PTPRD: variants seen among roughly 807,000 people sequenced by gnomAD.
PTPRD encodes protein tyrosine phosphatase receptor type D.
Under a neutral mutation model 214.5 loss-of-function variants are expected in PTPRD, and 34 were observed. The observed-to-expected ratio is 0.16, with a 90% CI of 0.12 to 0.21. The LOEUF (loss-of-function observed/expected upper bound fraction) is 0.21. PTPRD is among the 10% of genes least tolerant of loss of function. PTPRD has a pLI of 1.00. For synonymous variants in PTPRD, 1,128 were observed against 845.7 expected (o/e 1.33, Z -5.79); for missense variants, 2,545 against 2,398.7 (o/e 1.06, Z -1.27).
chr9:9,307,535 G>T (rs990625999), intron 9 of PTPRD, among the ~76,000 whole-genome samples: 1 of 152,062 alleles, frequency 6.6e-6, no homozygotes, highest in Admixed American at 6.6e-5. Context: ...CAGTGGCTGT[G>T]CTGTTATATC....
intron 11 of PTPRD, among the ~76,000 whole-genome samples, chr9:8,902,307 A>G (rs184194094): frequency 2.9e-4 from 44 of 151,404 alleles, no homozygotes; most frequent in African/African-American, 1.0e-3. Flanking sequence ...GATTTATTCA[A>G]CTGGAATTGG....
chr9:9,276,075 C>A (rs768237830), intron 9 of PTPRD, among the ~76,000 whole-genome samples: 1 of 151,290 alleles, frequency 6.6e-6, no homozygotes, highest in Non-Finnish European at 1.5e-5. Flanking sequence ...AGCTAAATGT[C>A]CTTGTCTAAT....
intron 8 of PTPRD, among the ~76,000 whole-genome samples, chr9:9,475,480 G>C (rs2094957798): frequency 6.6e-6 from 1 of 152,150 alleles, no homozygotes; most frequent in Non-Finnish European, 1.5e-5. Context: ...AGCAAAGATA[G>C]ATTTTATCAG....
intron 11 of PTPRD, chr9:8,861,913 C>G (rs2098113669): frequency 6.6e-6 from 1 of 152,174 alleles, no homozygotes; most frequent in Admixed American, 6.5e-5. Context: ...CTGCTAAATA[C>G]ATAAATGAAA....
chr9:10,028,250 G>A (rs908445671), intron 4 of PTPRD, among the ~76,000 whole-genome samples: 1 of 152,200 alleles, frequency 6.6e-6, no homozygotes, highest in African/African-American at 2.4e-5. Context: ...CCCCAGCCAT[G>A]TGGAACTGTA....
intron 10 of PTPRD, among the ~76,000 whole-genome samples, chr9:9,073,635 C>G (rs901046492): frequency 3.9e-5 from 6 of 152,154 alleles, no homozygotes; most frequent in Non-Finnish European, 7.3e-5. Flanking sequence ...TAGTTTCGAG[C>G]CTTCAGATGC....
intron 12 of PTPRD, among the ~76,000 whole-genome samples, chr9:8,707,172 T>A (rs755063241): frequency 1.3e-5 from 2 of 152,164 alleles, no homozygotes; most frequent in Non-Finnish European, 2.9e-5. Flanking sequence ...GTTGCAGCAA[T>A]AAAATATGTG....
At chr9:9,593,559 C>T (rs1387898982) in intron 7 of PTPRD, among the ~76,000 whole-genome samples, 1 of 151,736 alleles carries the variant, frequency 6.6e-6, no homozygotes, top group African/African-American at 2.4e-5. Flanking sequence ...GGGAGTCACC[C>T]CAGATTACTA....
At chr9:8,391,863 A>G (rs1298362107) in intron 36 of PTPRD, among the ~76,000 whole-genome samples, 1 of 152,162 alleles carries the variant, frequency 6.6e-6, no homozygotes, top group Non-Finnish European at 1.5e-5. Flanking sequence ...AAGACAGGGA[A>G]TCAGACCCAT....
At chr9:10,508,396 C>G (rs1251131316) in intron 2 of PTPRD, among the ~76,000 whole-genome samples, 1 of 152,146 alleles carries the variant, frequency 6.6e-6, no homozygotes, top group African/African-American at 2.4e-5. Context: ...GGCGATTCCT[C>G]AGGGATCTAG....
chr9:8,439,294 TTAAAA>T (rs2095463549), intron 34 of PTPRD, among the ~76,000 whole-genome samples: 1 of 152,184 alleles, frequency 6.6e-6, no homozygotes, highest in African/African-American at 2.4e-5. Flanking sequence ...TCTTTAACTG[TTAAAA>T]TAAGAGTATA....
intron 5 of PTPRD, among the ~76,000 whole-genome samples, chr9:9,891,794 T>C (rs143104921): frequency 1.5e-3 from 234 of 152,256 alleles, no homozygotes; most frequent in African/African-American, 5.3e-3. Context: ...CGACTACATA[T>C]GACTGGAAGA....
At chr9:9,085,535 G>A (rs561095025) in intron 10 of PTPRD, among the ~76,000 whole-genome samples, 2 of 151,992 alleles carry the variant, frequency 1.3e-5, no homozygotes, top group South Asian at 4.1e-4. Context: ...AAACAGTTTA[G>A]AAACTCAGGG....
chr9:9,759,193 G>A (rs1267708621), intron 6 of PTPRD, among the ~76,000 whole-genome samples: 2 of 152,132 alleles, frequency 1.3e-5, no homozygotes, highest in African/African-American at 2.4e-5. Context: ...TGATGCCCCT[G>A]AGATCCTATA....
chr9:10,540,249 A>G (rs2058792710), intron 2 of PTPRD, among the ~76,000 whole-genome samples: 3 of 152,238 alleles, frequency 2.0e-5, no homozygotes, highest in South Asian at 4.1e-4. Flanking sequence ...ACTGGTCTCA[A>G]ACTCCTGACC....
intron 37 of PTPRD, 59 bp downstream of exon 37, chr9:8,389,173 C>T (rs2135622604): frequency 7.0e-7 from 1 of 1,431,442 alleles, no homozygotes; most frequent in Non-Finnish European, 9.5e-7. Context: ...ATAAAATATG[C>T]AACATAGGGA....
chr9:8,958,865 C>CA (rs1161606154), intron 11 of PTPRD: 2 of 151,928 alleles, frequency 1.3e-5, no homozygotes, highest in African/African-American at 4.8e-5. Flanking sequence ...TAATAGAGAA[C>CA]AGCCATTGGA....
intron 11 of PTPRD, among the ~76,000 whole-genome samples, chr9:8,893,384 G>C (rs1429461033): frequency 6.6e-6 from 1 of 152,196 alleles, no homozygotes; most frequent in African/African-American, 2.4e-5. Context: ...AGGGAGCTGA[G>C]TGTGGAAAAC....
At chr9:10,346,578 T>C (rs888114971) in intron 2 of PTPRD, among the ~76,000 whole-genome samples, 6 of 152,248 alleles carry the variant, frequency 3.9e-5, no homozygotes, top group Non-Finnish European at 5.9e-5. Context: ...ATATAAAGTA[T>C]GTTTGCATAG....
Sources: gnomAD v4.1 joint callset for allele counts (sites outside exome capture counted in the v4.1 genomes callset) on GRCh38, gnomAD v4.1.1 for gene constraint, MANE v1.5 for transcripts, NCBI Gene and HGNC (gene_info 2026-07-23, HGNC 2026-07-21) for gene names.